Variants in AADACL2 observed in about 807,000 individuals in gnomAD.
AADACL2 encodes arylacetamide deacetylase like 2.
In AADACL2, 23 loss-of-function variants were observed where a neutral mutation model predicts 22.3. The ratio of observed to expected loss-of-function variants is 1.03; its 90% CI spans 0.74 to 1.46. The LOEUF (loss-of-function observed/expected upper bound fraction) is 1.46, where lower values mean the gene tolerates loss of function less well. Among genes scored for constraint, AADACL2 ranks in the 40% most tolerant of loss-of-function variants. AADACL2 has a pLI of 0.00. For missense variants in AADACL2, 472 were observed against 482.9 expected (o/e 0.98, Z 0.21); for synonymous variants, 177 against 166.2 (o/e 1.07, Z -0.50).
chr3:151,734,246 C>G, intron 1 of AADACL2, 73 bp downstream of exon 1: 1 of 1,466,064 alleles, frequency 6.8e-7, no homozygotes, highest in Non-Finnish European at 9.2e-7. Flanking sequence ...CTTATGAACT[C>G]TTTTATTAAT....
rs1161163192 is a variant in AADACL2 at position 151,745,573 on chromosome 3, T to A, written c.496T>A (p.Phe166Ile). Residue 166 changes from phenylalanine to isoleucine, a missense_variant, in exon 4 of 5, where the codon TTT (phenylalanine) becomes ATT (isoleucine). Around this residue, in one of 3 missense-constraint regions of AADACL2, gnomAD observed 356 missense variants for 365.5 expected, o/e 0.97. Coordinates refer to ENST00000356517, the MANE Select transcript of AADACL2 (RefSeq NM_207365.4). Reference sequence around the variant, plus strand: ...TGAAGATGGCCTTGCTGCAGTCAAATTTTTTCTTTTGGAAAAAATTCTTAC... The same window carrying A: ...TGAAGATGGCCTTGCTGCAGTCAAAATTTTTCTTTTGGAAAAAATTCTTAC... Reference protein sequence around the residue: ...QFEDGLAAVKFFLLEKILTKY... With the variant: ...QFEDGLAAVKIFLLEKILTKY... The A allele has an allele frequency of 3.1e-6, 5 of 1,613,874 alleles. No individual in the cohort carries two copies. In the South Asian group the frequency reaches 4.4e-5, roughly 14 times the overall value.
intron 2 of AADACL2, among the ~76,000 whole-genome samples, chr3:151,742,431 A>T (rs73164678): frequency 0.056 from 8,591 of 152,316 alleles, 329 homozygotes; most frequent in Non-Finnish European, 0.081. Flanking sequence ...ATGGGAAACA[A>T]ACAAGCAAAC....
intron 1 of AADACL2, 119 bp from the exon 2 acceptor site, chr3:151,740,527 T>G: frequency 1.6e-6 from 1 of 641,900 alleles, no homozygotes; most frequent in South Asian, 2.7e-5. Flanking sequence ...TATTTTTAAA[T>G]AGTCTATTTC....
chr3:151,740,933 T>C, intron 2 of AADACL2, 65 bp downstream of exon 2: 1 of 1,345,868 alleles, frequency 7.4e-7, no homozygotes, highest in South Asian at 1.3e-5. Flanking sequence ...AACTATTTTA[T>C]ATAAATATAC....
chr3:151,737,819 C>T (rs1316694244), intron 1 of AADACL2, among the ~76,000 whole-genome samples: 1 of 152,044 alleles, frequency 6.6e-6, no homozygotes, highest in Non-Finnish European at 1.5e-5. Context: ...GAATCTTCCT[C>T]AATCCCTTTA....
At position 151,734,208 on chromosome 3, in the gene AADACL2, G is replaced by A. The variant is rs573659907; in HGVS notation, c.138+35G>A. The A allele has an allele frequency of 2.2e-5, 35 of 1,601,136 alleles. No homozygotes were observed. The Admixed American group carries it at 3.2e-4, about 15-fold the overall frequency. On this transcript the variant is annotated intron_variant, in intron 1 of 4. Transcript: ENST00000356517. ...ACATTTATTTTTTCTGTTGGAAATT[G>A]GGATGACTTATTGACTAAAAATGGG...
chr3:151,760,011 T>C lies in AADACL2; in HGVS notation c.*2417T>C, dbSNP rs1219322269. 1 of 152,226 alleles carries C rather than the reference T, an allele frequency of 6.6e-6. No homozygotes were observed. The highest frequency in any genetic ancestry group is 2.4e-5 in the African/African-American group (1 of 41,464). The allele number at this position is 152,226 out of a possible 1,614,324, so 9.4% of individuals were successfully genotyped here. ...GTGACGTTTCAATACATATCATGTA[T>C]AGTGATTATATCAGGGTAATCGGCA... On this transcript the variant is annotated 3_prime_UTR_variant, in exon 5 of 5. Transcript: ENST00000356517.
intron 2 of AADACL2, 67 bp from the exon 3 acceptor site, chr3:151,744,026 T>C (rs1276076876): frequency 1.3e-6 from 2 of 1,510,696 alleles, no homozygotes; most frequent in Admixed American, 1.7e-5. Flanking sequence ...TCCACATTCA[T>C]ATCTGTAACT....
chr3:151,747,692 A>T (rs1713501743), intron 4 of AADACL2, among the ~76,000 whole-genome samples: 1 of 151,830 alleles, frequency 6.6e-6, no homozygotes, highest in Non-Finnish European at 1.5e-5. Context: ...CCGGCTGACA[A>T]ACAGTTTGAT....
In AADACL2 at chr3:151,738,885, A is replaced by G. The variant is rs180749576; in HGVS notation, c.139-1761A>G. On this transcript the variant is annotated intron_variant, in intron 1 of 4. Coordinates refer to ENST00000356517, the MANE Select transcript of AADACL2 (RefSeq NM_207365.4). ...CTTCTCTAAACTGGTTATTTTAGTT[A>G]GCAGTTCCTGTAACCTTTTATCAAG... Among the ~76,000 whole-genome samples the G allele has an allele frequency of 2.5e-3, 377 of 152,274 alleles. 1 individual carries two copies. Among genetic ancestry groups the G allele is most frequent in the Non-Finnish European group, 4.5e-3 (306 of 68,016 alleles).
Position 151,760,383 on chromosome 3 carries a change from G to A in AADACL2, c.*2789G>A, listed in dbSNP as rs1303122669. 1.3e-5 allele frequency: 2 copies of A among 152,122 alleles called. No homozygotes were observed. The highest frequency in any genetic ancestry group is 4.8e-5 in the African/African-American group (2 of 41,424). 9.4% of individuals were successfully genotyped at this position (152,122 alleles called of 1,614,324 possible). A position where few individuals can be genotyped will look rare whatever the true frequency, so the allele number is the denominator to read the frequency against. On this transcript the variant is annotated 3_prime_UTR_variant, in exon 5 of 5. Transcript: ENST00000356517. ...AAATTTAATATTCTCTAGGTACCAA[G>A]GCAAGGGTTTATGTTACAGTTTGTG...
rs1210064981 is a variant in AADACL2, at chr3:151,759,550, A to G, written c.*1956A>G. The G allele has an allele frequency of 6.6e-6, 1 of 152,188 alleles. No individual in the cohort carries two copies. Among genetic ancestry groups the G allele is most frequent in the African/African-American group, 2.4e-5 (1 of 41,452 alleles). 9.4% of individuals were successfully genotyped at this position (152,188 alleles called of 1,614,324 possible). The stretch of plus-strand genomic sequence containing the variant: ...AAAGGATGGCTCACAGCTAGATAAT[A>G]ACTAAGTTTGTTTTCGTTTTGAAAA... On this transcript the variant is annotated 3_prime_UTR_variant, in exon 5 of 5. Coordinates refer to ENST00000356517, the MANE Select transcript of AADACL2 (RefSeq NM_207365.4).
chr3:151,756,302 T>A (rs1176665343), intron 4 of AADACL2, among the ~76,000 whole-genome samples: 1 of 151,918 alleles, frequency 6.6e-6, no homozygotes, highest in Non-Finnish European at 1.5e-5. Flanking sequence ...TCACATTTTA[T>A]CCTTGCATAT....
In AADACL2 at chr3:151,761,335, T is replaced by C. The variant is rs1714153153; in HGVS notation, c.*3741T>C. On this transcript the variant is annotated 3_prime_UTR_variant, in exon 5 of 5. Transcript: ENST00000356517. ...AGGCCTTGTGCCATTGGTGGTGTTC[T>C]GAAAGGAAGAGTCCATCAATTTTCC... The C allele has an allele frequency of 6.0e-6, 1 of 167,008 alleles. No homozygotes were observed. Among genetic ancestry groups the C allele is most frequent in the Non-Finnish European group, 1.3e-5 (1 of 75,486 alleles). 10.3% of individuals were successfully genotyped at this position (167,008 alleles called of 1,614,324 possible). A position where few individuals can be genotyped will look rare whatever the true frequency, so the allele number is the denominator to read the frequency against.
At chr3:151,742,744 G>A (rs1401962) in intron 2 of AADACL2, among the ~76,000 whole-genome samples, 53,669 of 152,038 alleles carry the variant, frequency 0.35, 9,713 homozygotes, top group Middle Eastern at 0.5. Flanking sequence ...GAAACACCCT[G>A]ATTAGAAAAC....
intron 3 of AADACL2, among the ~76,000 whole-genome samples, 167 bp downstream of exon 3, chr3:151,744,329 A>T (rs1255999247): frequency 1.3e-5 from 2 of 151,918 alleles, no homozygotes; most frequent in Non-Finnish European, 2.9e-5. Context: ...GTGTCCCATT[A>T]TTTTTCTGTG....
Position 151,747,618 on chromosome 3 carries a change from T to TTGTG in AADACL2, c.603+1956_603+1959dup, listed in dbSNP as rs149912523. 8.2e-3 allele frequency among the ~76,000 whole-genome samples: 1,209 copies of TTGTG among 148,294 alleles called. 18 individuals are homozygous for TTGTG. The highest frequency in any genetic ancestry group is 0.027 in the African/African-American group (1,098 of 40,558). On this transcript the variant is annotated intron_variant, in intron 4 of 4. Coordinates refer to ENST00000356517, the MANE Select transcript of AADACL2 (RefSeq NM_207365.4). ...CTGAATAATATTCCATTGTGTGTGT[T>TTGTG]TGTGTGTGTGTGTGTGTGTGTAGAT...
chr3:151,757,081 T>A lies in AADACL2; in HGVS notation c.693T>A (p.Ser231=), dbSNP rs140496674. ...GLQITDSYLP[S]HRENEHGIVL... ...AGATAACAGATTCTTATTTGCCATC[T>A]CACCGAGAAAATGAGCATGGTATAG... The change falls in exon 5 of 5, where the codon TCT becomes TCA. Residue 231 remains serine (S), a synonymous_variant. Coordinates refer to ENST00000356517, the MANE Select transcript of AADACL2 (RefSeq NM_207365.4). 6.2e-7 allele frequency: 1 copy of A among 1,613,216 alleles called. No individual in the cohort carries two copies. Among genetic ancestry groups the A allele is most frequent in the Non-Finnish European group, 8.5e-7 (1 of 1,179,550 alleles).
chr3:151,736,293 A>G (rs763609547), intron 1 of AADACL2, among the ~76,000 whole-genome samples: 74 of 136,020 alleles, frequency 5.4e-4, no homozygotes, highest in Non-Finnish European at 1.0e-3. Context: ...TTTATATACA[A>G]GGATTTATCT....
Sources: allele counts gnomAD v4.1 joint callset (sites outside exome capture counted in the v4.1 genomes callset), GRCh38; gene constraint gnomAD v4.1.1; regional missense constraint gnomAD v4.1.1; transcripts MANE v1.5; gene names NCBI Gene and HGNC (gene_info 2026-07-23, HGNC 2026-07-21).